MTSS1: variants seen among roughly 807,000 people sequenced by gnomAD.
MTSS1 encodes the protein MTSS I-BAR domain containing 1.
A neutral mutation model predicts 79.0 loss-of-function variants in MTSS1; 18 were observed. The observed-to-expected ratio is 0.23, with a 90% CI of 0.16 to 0.34. The LOEUF (loss-of-function observed/expected upper bound fraction) is 0.34, where lower values mean the gene tolerates loss of function less well. Among genes scored for constraint, MTSS1 ranks in the 10% least tolerant of loss-of-function variants. The pLI, the probability that MTSS1 is intolerant of heterozygous loss-of-function variation, is 1.00. For synonymous variants in MTSS1, 341 were observed against 368.6 expected, an observed-to-expected ratio of 0.93 and a Z score of 0.86; for missense variants, 815 against 986.2, an observed-to-expected ratio of 0.83 and a Z score of 2.33.
chr8:124,557,333 C>T (rs777277095), intron 11 of MTSS1, among the ~76,000 whole-genome samples: 3 of 152,166 alleles, frequency 2.0e-5, no homozygotes, highest in South Asian at 2.1e-4. Context: ...AGGTGGCCCC[C>T]GGGAGGGACC....
intron 3 of MTSS1, among the ~76,000 whole-genome samples, chr8:124,622,067 AGAGAGAG>A (rs1563878707): frequency 2.1e-5 from 3 of 143,666 alleles, no homozygotes; most frequent in African/African-American, 7.4e-5. Context: ...AGAAAGAGAG[AGAGAGAG>A]AGAGAGAGAG....
chr8:124,690,675 G>A (rs1827796599), intron 3 of MTSS1, among the ~76,000 whole-genome samples: 1 of 152,136 alleles, frequency 6.6e-6, no homozygotes, highest in South Asian at 2.1e-4. Flanking sequence ...CTGTCGCCAG[G>A]CATCAGTTTT....
At chr8:124,615,278 AG>A (rs1275547102) in intron 3 of MTSS1, among the ~76,000 whole-genome samples, 8 of 152,144 alleles carry the variant, frequency 5.3e-5, no homozygotes, top group Admixed American at 5.2e-4. Flanking sequence ...GCAAATGGAG[AG>A]CGGTGGAAAG....
At chr8:124,606,291 G>C (rs1285366058) in intron 3 of MTSS1, among the ~76,000 whole-genome samples, 1 of 151,092 alleles carries the variant, frequency 6.6e-6, no homozygotes, top group Non-Finnish European at 1.5e-5. Flanking sequence ...TGGGATTACA[G>C]GCACCCACAA....
intron 2 of MTSS1, among the ~76,000 whole-genome samples, chr8:124,700,292 T>A (rs1413788452): frequency 6.6e-6 from 1 of 152,130 alleles, no homozygotes; most frequent in African/African-American, 2.4e-5. Flanking sequence ...AATATATATA[T>A]ATGCACATCA....
chr8:124,649,477 G>A (rs781257954), intron 3 of MTSS1, among the ~76,000 whole-genome samples: 4 of 152,054 alleles, frequency 2.6e-5, no homozygotes, highest in Non-Finnish European at 5.9e-5. Context: ...TGACCCTGGC[G>A]AGCCTTGGCA....
At chr8:124,605,565 T>G (rs79768863) in intron 3 of MTSS1, among the ~76,000 whole-genome samples, 11,130 of 126,552 alleles carry the variant, frequency 0.088, 522 homozygotes, top group African/African-American at 0.16. Flanking sequence ...CCCTGCCCTC[T>G]CGCTGCCTCC....
chr8:124,691,378 CA>C (rs1827903567), intron 3 of MTSS1, among the ~76,000 whole-genome samples: 1 of 152,144 alleles, frequency 6.6e-6, no homozygotes, highest in Non-Finnish European at 1.5e-5. Context: ...AAATAGCAAT[CA>C]TTTTTATAGA....
intron 11 of MTSS1, among the ~76,000 whole-genome samples, chr8:124,556,828 C>G (rs1325709625): frequency 6.6e-6 from 1 of 152,252 alleles, no homozygotes; most frequent in Non-Finnish European, 1.5e-5. Context: ...GCAACATCAG[C>G]CCTTCTCCCT....
intron 1 of MTSS1, among the ~76,000 whole-genome samples, chr8:124,705,193 G>A (rs1037724325): frequency 1.8e-4 from 28 of 152,306 alleles, no homozygotes; most frequent in African/African-American, 5.1e-4. Context: ...ACTAAGGGCC[G>A]GGCGCCATGG....
chr8:124,601,121 C>T (rs1249760843), intron 3 of MTSS1, among the ~76,000 whole-genome samples: 2 of 136,864 alleles, frequency 1.5e-5, no homozygotes, highest in African/African-American at 5.6e-5. Context: ...AGTGCAGTGG[C>T]GTGACCTCCG....
At chr8:124,678,905 A>G (rs1049513468) in intron 3 of MTSS1, among the ~76,000 whole-genome samples, 3 of 152,232 alleles carry the variant, frequency 2.0e-5, no homozygotes, top group African/African-American at 7.2e-5. Context: ...CATGCCTAAC[A>G]TGCTCCTTCG....
intron 5 of MTSS1, among the ~76,000 whole-genome samples, chr8:124,589,158 G>A (rs1488218359): frequency 2.0e-5 from 3 of 151,860 alleles, no homozygotes; most frequent in Non-Finnish European, 4.4e-5. Flanking sequence ...AGCCTCCCAA[G>A]TAGCTGGGAT....
intron 3 of MTSS1, among the ~76,000 whole-genome samples, chr8:124,690,556 G>A (rs1827775485): frequency 6.6e-6 from 1 of 152,180 alleles, no homozygotes; most frequent in Non-Finnish European, 1.5e-5. Flanking sequence ...AGCAAAACAC[G>A]ACTGAGGCAG....
chr8:124,610,849 C>CA (rs1295625996), intron 3 of MTSS1, among the ~76,000 whole-genome samples: 2 of 151,934 alleles, frequency 1.3e-5, no homozygotes, highest in Admixed American at 1.3e-4. Flanking sequence ...CCAAACGAAA[C>CA]AAAAAAATGC....
intron 3 of MTSS1, among the ~76,000 whole-genome samples, chr8:124,670,434 C>T (rs1014281083): frequency 2.0e-5 from 3 of 151,796 alleles, no homozygotes; most frequent in East Asian, 1.9e-4. Context: ...CACAGCCTGG[C>T]GGCACCCCAC....
intron 3 of MTSS1, among the ~76,000 whole-genome samples, chr8:124,667,733 C>T (rs571916716): frequency 4.5e-4 from 68 of 152,230 alleles, no homozygotes; most frequent in Non-Finnish European, 8.2e-4. Context: ...ACTTAAAAAG[C>T]ATCTGCAGTT....
intron 3 of MTSS1, among the ~76,000 whole-genome samples, chr8:124,660,784 A>C (rs946099772): frequency 6.6e-6 from 1 of 152,108 alleles, no homozygotes; most frequent in Non-Finnish European, 1.5e-5. Flanking sequence ...AATGCCCCTC[A>C]ACTCTCCCAT....
chr8:124,616,371 TA>T (rs68110053), intron 3 of MTSS1, among the ~76,000 whole-genome samples: 62,356 of 118,886 alleles, frequency 0.52, 16,580 homozygotes, highest in South Asian at 0.64. Flanking sequence ...TTTCAGGCAG[TA>T]AAAAAAAAAA....
Sources: allele counts gnomAD v4.1 joint callset (sites outside exome capture counted in the v4.1 genomes callset), GRCh38; gene constraint gnomAD v4.1.1; transcripts MANE v1.5; gene names NCBI Gene and HGNC (gene_info 2026-07-23, HGNC 2026-07-21).